The following NEK7 variants were observed in gnomAD, a reference collection of about 807,000 sequenced individuals.
The protein encoded by NEK7 is serine/threonine-protein kinase Nek7.
A neutral mutation model predicts 44.6 loss-of-function variants in NEK7; 18 were observed. That is an observed-to-expected ratio of 0.40 (90% CI 0.28 to 0.60). NEK7 has a LOEUF of 0.60. Among genes scored for constraint, NEK7 ranks in the 20% least tolerant of loss-of-function variants. NEK7 has a pLI of 0.38. For synonymous variants in NEK7, 130 were observed against 121.1 expected, an observed-to-expected ratio of 1.07 and a Z score of -0.48; for missense variants, 256 against 366.5, an observed-to-expected ratio of 0.70 and a Z score of 2.46.
chr1:198,214,632 A>G (rs1385413755), intron 1 of NEK7, among the ~76,000 whole-genome samples: 17 of 152,214 alleles, frequency 1.1e-4, no homozygotes, highest in Admixed American at 1.1e-3. Flanking sequence ...ACAAAAATAA[A>G]GGACAAAGAA....
At chr1:198,197,781 A>G in intron 1 of NEK7, 1 of 711,900 alleles carries the variant, frequency 1.4e-6, no homozygotes. Context: ...GCCTGTATTC[A>G]GTCAGAGTCA....
At chr1:198,287,264 G>A (rs1348336099) in intron 7 of NEK7, among the ~76,000 whole-genome samples, 3 of 152,006 alleles carry the variant, frequency 2.0e-5, no homozygotes, top group African/African-American at 7.2e-5. Context: ...GGTGGATCAC[G>A]AGGTCAGGAG....
At chr1:198,251,442 G>C (rs998345190) in intron 2 of NEK7, among the ~76,000 whole-genome samples, 3 of 139,158 alleles carry the variant, frequency 2.2e-5, no homozygotes, top group Non-Finnish European at 4.6e-5. Flanking sequence ...AATAGTTTCA[G>C]AAGGAATGGT....
chr1:198,164,112 C>T (rs1292545852), intron 1 of NEK7, among the ~76,000 whole-genome samples: 1 of 152,164 alleles, frequency 6.6e-6, no homozygotes, highest in Non-Finnish European at 1.5e-5. Context: ...AACAAAAAAT[C>T]AGCTGTCAGT....
At position 198,247,993 on chromosome 1, in the gene NEK7, G is replaced by A. The variant is rs1367143229; in HGVS notation, c.58-5047G>A. On this transcript the variant is annotated intron_variant, in intron 2 of 9. Transcript: ENST00000367385. The stretch of plus-strand genomic sequence containing the variant: ...ACCAGTGCCATCTTTGCATTAATAG[G>A]TCTTTAATATTCAGTTTCATTAGAG... 2.0e-5 allele frequency among the ~76,000 whole-genome samples: 3 copies of A among 152,074 alleles called. 1 individual carries two copies. Among genetic ancestry groups the A allele is most frequent in the African/African-American group, 7.2e-5 (3 of 41,402 alleles).
At chr1:198,278,868 ATTCT>A in intron 6 of NEK7, 82 bp from the exon 7 acceptor site, 1 of 692,140 alleles carries the variant, frequency 1.4e-6, no homozygotes, top group Non-Finnish European at 2.5e-6. Context: ...TAAATTTTAA[ATTCT>A]GTCACGAAAA....
chr1:198,225,245 G>A (rs946808188), intron 1 of NEK7, among the ~76,000 whole-genome samples: 5 of 119,854 alleles, frequency 4.2e-5, no homozygotes, highest in Admixed American at 1.9e-4. Context: ...CTTGAGAAGC[G>A]TGTAGGTTAC....
chr1:198,163,592 CCAAA>C (rs1417369158), intron 1 of NEK7, among the ~76,000 whole-genome samples: 15 of 152,120 alleles, frequency 9.9e-5, no homozygotes, highest in African/African-American at 3.6e-4. Flanking sequence ...TATCTTTATT[CCAAA>C]CAGTTTATTT....
At chr1:198,238,354 C>T (rs1163965703) in intron 2 of NEK7, among the ~76,000 whole-genome samples, 4 of 152,004 alleles carry the variant, frequency 2.6e-5, no homozygotes, top group Admixed American at 6.6e-5. Flanking sequence ...GGGCAAGGGG[C>T]GGGGTGGGGT....
intron 2 of NEK7, among the ~76,000 whole-genome samples, chr1:198,236,342 A>G (rs1257132841): frequency 1.3e-5 from 2 of 152,014 alleles, no homozygotes; most frequent in Admixed American, 6.6e-5. Flanking sequence ...TCATTCTCCT[A>G]GTAACAGTTT....
At chr1:198,166,942 A>G (rs767720408) in intron 1 of NEK7, among the ~76,000 whole-genome samples, 4 of 152,228 alleles carry the variant, frequency 2.6e-5, no homozygotes, top group Non-Finnish European at 5.9e-5. Flanking sequence ...ATAAAATGAG[A>G]TATGCCTTCA....
intron 2 of NEK7, among the ~76,000 whole-genome samples, chr1:198,241,137 A>G (rs1187733532): frequency 6.6e-6 from 1 of 152,236 alleles, no homozygotes; most frequent in Admixed American, 6.5e-5. Flanking sequence ...GCAATGTTGA[A>G]TGTATACATT....
intron 2 of NEK7, among the ~76,000 whole-genome samples, chr1:198,252,064 G>T (rs1400086390): frequency 1.2e-4 from 19 of 152,064 alleles, no homozygotes; most frequent in African/African-American, 3.4e-4. Context: ...CAGAGATTCT[G>T]GTACGTTGTG....
intron 1 of NEK7, among the ~76,000 whole-genome samples, chr1:198,228,913 G>T (rs956629257): frequency 3.3e-5 from 5 of 152,158 alleles, no homozygotes; most frequent in East Asian, 1.9e-4. Flanking sequence ...TGTGGAATAG[G>T]AGTGGTGAGA....
At chr1:198,250,646 T>G (rs1429982738) in intron 2 of NEK7, among the ~76,000 whole-genome samples, 1 of 142,166 alleles carries the variant, frequency 7.0e-6, no homozygotes, top group African/African-American at 2.6e-5. Context: ...GAAGCAATTG[T>G]GAATGGGAGT....
At chr1:198,313,738 T>G (rs960199825) in intron 9 of NEK7, among the ~76,000 whole-genome samples, 7 of 107,490 alleles carry the variant, frequency 6.5e-5, no homozygotes, top group Admixed American at 1.0e-4. Flanking sequence ...GGTTGAAAAT[T>G]CTTTTCTTTA....
intron 1 of NEK7, among the ~76,000 whole-genome samples, chr1:198,220,561 C>A (rs898286374): frequency 6.6e-6 from 1 of 152,042 alleles, no homozygotes; most frequent in African/African-American, 2.4e-5. Flanking sequence ...ACTCTAAGCA[C>A]TTATTTTTTT....
At chr1:198,211,609 T>C (rs1334480969) in intron 1 of NEK7, among the ~76,000 whole-genome samples, 3 of 152,150 alleles carry the variant, frequency 2.0e-5, no homozygotes, top group African/African-American at 4.8e-5. Flanking sequence ...TTGAAGAAAG[T>C]ATAAAAAATA....
At chr1:198,165,704 T>A (rs1664243803) in intron 1 of NEK7, among the ~76,000 whole-genome samples, 1 of 152,202 alleles carries the variant, frequency 6.6e-6, no homozygotes, top group Admixed American at 6.5e-5. Flanking sequence ...TTTCAGGGGA[T>A]GCTAAATGAG....
Sources: gnomAD v4.1 joint callset for allele counts (sites outside exome capture counted in the v4.1 genomes callset) on GRCh38, gnomAD v4.1.1 for gene constraint, MANE v1.5 for transcripts, NCBI Gene and HGNC (gene_info 2026-07-23, HGNC 2026-07-21) for gene names.